Variants in RBFOX3 observed in about 807,000 individuals in gnomAD.
RBFOX3 encodes the protein RNA binding fox-1 homolog 3.
Under a neutral mutation model 48.7 loss-of-function variants are expected in RBFOX3, and 17 were observed. The observed-to-expected ratio is 0.35, with a 90% confidence interval of 0.24 to 0.52. The LOEUF (loss-of-function observed/expected upper bound fraction) is 0.52, where lower values mean the gene tolerates loss of function less well. RBFOX3 is among the 20% of genes least tolerant of loss of function. The pLI is 0.94. For synonymous variants in RBFOX3, 212 were observed against 209.5 expected (o/e 1.01, Z -0.10); for missense variants, 382 against 497.5 (o/e 0.77, Z 2.21).
intron 1 of RBFOX3, among the ~76,000 whole-genome samples, chr17:79,528,629 T>C (rs2087182206): frequency 2.0e-5 from 3 of 151,844 alleles, no homozygotes; most frequent in Non-Finnish European, 4.4e-5. Context: ...CTACATCCAA[T>C]ATAACTGGTG....
intron 1 of RBFOX3, among the ~76,000 whole-genome samples, chr17:79,556,639 T>G (rs2091783125): frequency 6.6e-6 from 1 of 152,250 alleles, no homozygotes; most frequent in South Asian, 2.1e-4. Context: ...CGAACTAATT[T>G]AATAACTTTG....
rs560284706 is a variant in RBFOX3 at position 79,243,531 on chromosome 17, G to A, written c.-73-7726C>T. Among the ~76,000 whole-genome samples, 6 of 152,246 alleles carry A rather than the reference G, an allele frequency of 3.9e-5. No homozygotes were observed. Among genetic ancestry groups the A allele is most frequent in the Admixed American group, 3.9e-4 (6 of 15,304 alleles). On this transcript the variant is annotated intron_variant, in intron 3 of 14. Transcript: ENST00000693108. This position sits in a 1 kb window ranked among gnomAD's most constrained non-coding sequence, Gnocchi z 7.9. ...GGAGTCGACCACAGTCAATTGCTTGGGTGATATATTAGAGGTTCTGTCTGG... is the reference window on the plus strand; with the variant it reads ...GGAGTCGACCACAGTCAATTGCTTGAGTGATATATTAGAGGTTCTGTCTGG...
chr17:79,275,111 T>C (rs2068508352), intron 3 of RBFOX3, among the ~76,000 whole-genome samples: 1 of 147,236 alleles, frequency 6.8e-6, no homozygotes. Flanking sequence ...TCTGCCTCTC[T>C]CTCCATGTCT....
chr17:79,627,331 C>T, the RBFOX3 span, among the ~76,000 whole-genome samples: 2 of 152,184 alleles, frequency 1.3e-5, no homozygotes, highest in Non-Finnish European at 2.9e-5. Flanking sequence ...CACAACCAGG[C>T]CCCATGGCAC....
At chr17:79,403,862 C>T (rs1467991886) in intron 2 of RBFOX3, among the ~76,000 whole-genome samples, 1 of 147,162 alleles carries the variant, frequency 6.8e-6, no homozygotes, top group Non-Finnish European at 1.5e-5. Context: ...TCACTGCAAG[C>T]TCCACCTCCC....
intron 4 of RBFOX3, among the ~76,000 whole-genome samples, chr17:79,174,365 A>G (rs1224791062): frequency 6.6e-6 from 1 of 150,392 alleles, no homozygotes; most frequent in Non-Finnish European, 1.5e-5. Flanking sequence ...GCACACAGAC[A>G]CATGCGCACA....
At chr17:79,459,251 G>A (rs1433947718) in intron 2 of RBFOX3, among the ~76,000 whole-genome samples, 4 of 152,214 alleles carry the variant, frequency 2.6e-5, no homozygotes, top group East Asian at 1.9e-4. Flanking sequence ...TGGAGGTTCC[G>A]AGGCTCTGGA....
Position 79,252,330 on chromosome 17 carries a change from A to T in RBFOX3, c.-73-16525T>A, listed in dbSNP as rs1460722523. Among the ~76,000 whole-genome samples the T allele has an allele frequency of 6.6e-6, 1 of 152,110 alleles. No individual in the cohort carries two copies. Among genetic ancestry groups the T allele is most frequent in the Non-Finnish European group, 1.5e-5 (1 of 68,022 alleles). On this transcript the variant is annotated intron_variant, in intron 3 of 14. Transcript: ENST00000693108. This position sits in a 1 kb window ranked among gnomAD's most constrained non-coding sequence, Gnocchi z 4.0. ...TGTCTCCCAGACTGCTCTGTCCCAC[A>T]TGGCTGAGGCTCAGGGTCTTCTCCC...
intron 1 of RBFOX3, among the ~76,000 whole-genome samples, chr17:79,505,352 A>T (rs1397004971): frequency 6.6e-6 from 1 of 152,124 alleles, no homozygotes; most frequent in Non-Finnish European, 1.5e-5. Context: ...CACGAACAAC[A>T]GAGGTGGGTG....
intron 4 of RBFOX3, among the ~76,000 whole-genome samples, chr17:79,131,325 G>A (rs575574407): frequency 6.6e-6 from 1 of 152,348 alleles, no homozygotes; most frequent in Admixed American, 6.5e-5. Flanking sequence ...CTCTGTGCAC[G>A]CTGGGAACAG....
intron 3 of RBFOX3, among the ~76,000 whole-genome samples, chr17:79,302,770 G>T (rs1175638075): frequency 6.6e-6 from 1 of 152,212 alleles, no homozygotes; most frequent in Non-Finnish European, 1.5e-5. Flanking sequence ...CAAAGTTTTT[G>T]GTTGGTAGTA....
chr17:79,094,691 C>T (rs1003320522), intron 13 of RBFOX3, among the ~76,000 whole-genome samples, 162 bp from the exon 14 acceptor site: 1 of 151,636 alleles, frequency 6.6e-6, no homozygotes, highest in East Asian at 2.0e-4. Flanking sequence ...GCAAGGCCTA[C>T]CCCTCCTTCT....
chr17:79,469,901 C>T (rs376663254), intron 2 of RBFOX3, among the ~76,000 whole-genome samples: 71 of 152,264 alleles, frequency 4.7e-4, no homozygotes, highest in East Asian at 2.5e-3. Flanking sequence ...TGATGGAGAA[C>T]GTGCATGAGA....
intron 2 of RBFOX3, among the ~76,000 whole-genome samples, chr17:79,321,393 G>A (rs764897479): frequency 3.3e-5 from 5 of 152,188 alleles, no homozygotes; most frequent in Admixed American, 3.3e-4. Context: ...TGAGCTAAAC[G>A]TTCAGCTAGA....
rs1555776044 is a variant in RBFOX3 at position 79,498,886 on chromosome 17, AT to A, written c.-319-16289del. 6.6e-4 allele frequency among the ~76,000 whole-genome samples: 98 copies of A among 147,988 alleles called. 1 individual carries two copies. The highest frequency in any genetic ancestry group is 7.2e-4 in the Non-Finnish European group (48 of 67,000). On this transcript the variant is annotated intron_variant, in intron 1 of 14. Coordinates refer to ENST00000693108, the MANE Select transcript of RBFOX3 (RefSeq NM_001350451.2). ...CATTCGCTCATCCATCCATCCATCC[AT>A]CCATCCATCCATCCATCCATATGGC...
chr17:79,367,286 C>G (rs1463055140), intron 2 of RBFOX3, among the ~76,000 whole-genome samples: 1 of 143,726 alleles, frequency 7.0e-6, no homozygotes, highest in Non-Finnish European at 1.5e-5. Flanking sequence ...CTCCTCCTCC[C>G]CCTCCTCCTC....
intron 2 of RBFOX3, among the ~76,000 whole-genome samples, chr17:79,452,604 G>A (rs544138614): frequency 1.3e-5 from 2 of 152,164 alleles, no homozygotes; most frequent in Non-Finnish European, 2.9e-5. Flanking sequence ...GGAAGTTAGG[G>A]CCATCAGGGG....
At chr17:79,180,141 G>A (rs1274759660) in intron 4 of RBFOX3, among the ~76,000 whole-genome samples, 3 of 152,176 alleles carry the variant, frequency 2.0e-5, no homozygotes, top group Non-Finnish European at 4.4e-5. Flanking sequence ...GCTGGGAGAG[G>A]GGCTGAGAAG....
At chr17:79,153,542 C>T (rs928379823) in intron 4 of RBFOX3, among the ~76,000 whole-genome samples, 4 of 152,144 alleles carry the variant, frequency 2.6e-5, no homozygotes, top group African/African-American at 4.8e-5. Flanking sequence ...CCAGGCTTCC[C>T]GTTTATCAGA....
Sources: gnomAD v4.1 joint callset for allele counts (sites outside exome capture counted in the v4.1 genomes callset) on GRCh38, gnomAD v4.1.1 for gene constraint, Gnocchi (gnomAD v3.1) non-coding constraint, MANE v1.5 for transcripts, NCBI Gene and HGNC (gene_info 2026-07-23, HGNC 2026-07-21) for gene names.